The following KCNQ5 variants were observed in gnomAD, a reference collection of about 807,000 sequenced individuals.
The protein encoded by KCNQ5 is potassium voltage-gated channel subfamily KQT member 5.
In KCNQ5, 30 loss-of-function variants were observed where a neutral mutation model predicts 98.2. The observed-to-expected ratio is 0.31, with a 90% confidence interval of 0.23 to 0.41. KCNQ5 has a LOEUF of 0.41. Among genes scored for constraint, KCNQ5 ranks in the 10% least tolerant of loss-of-function variants. The probability of loss-of-function intolerance (pLI) is 1.00; values close to 1 mark genes in which losing one functional copy is unlikely to be tolerated. For missense variants in KCNQ5, 835 were observed against 1,182.5 expected (o/e 0.71, Z 4.31); for synonymous variants, 458 against 449.4 (o/e 1.02, Z -0.24).
intron 1 of KCNQ5, among the ~76,000 whole-genome samples, chr6:72,637,944 G>T (rs2098925165): frequency 6.6e-6 from 1 of 152,164 alleles, no homozygotes; most frequent in African/African-American, 2.4e-5. Context: ...AGAAACCCGG[G>T]TAAGTTCCCT....
At position 72,622,109 on chromosome 6, in the gene KCNQ5, C is replaced by T. The variant is rs2098915429; in HGVS notation, c.-81C>T. 3 of 1,181,992 alleles carry T rather than the reference C, an allele frequency of 2.5e-6. No individual in the cohort carries two copies. Among genetic ancestry groups the T allele is most frequent in the Admixed American group, 4.4e-5 (1 of 22,776 alleles). 73.2% of individuals were successfully genotyped at this position (1,181,992 alleles called of 1,614,324 possible). On this transcript the variant is annotated 5_prime_UTR_variant, in exon 1 of 14. Transcript: ENST00000370398. The surrounding 1 kb of genome is among the most constrained non-coding windows in gnomAD (Gnocchi z 6.0). ...CGCCCCGTCGGCCGCCGGCTTCCTC[C>T]TTGAAACCCGCCGGCGCACATGAGG... is the stretch of plus-strand genomic sequence containing the variant.
chr6:72,764,321 A>T (rs1772449298), intron 1 of KCNQ5, among the ~76,000 whole-genome samples: 1 of 152,088 alleles, frequency 6.6e-6, no homozygotes, highest in African/African-American at 2.4e-5. Context: ...CCCACTAGGT[A>T]GAAATTGGTG....
intron 2 of KCNQ5, among the ~76,000 whole-genome samples, chr6:73,032,448 A>T (rs1182587101): frequency 8.5e-5 from 13 of 152,172 alleles, no homozygotes; most frequent in Non-Finnish European, 1.8e-4. Flanking sequence ...GATTATGGGC[A>T]TGAACCACTG....
intron 1 of KCNQ5, among the ~76,000 whole-genome samples, chr6:72,925,408 A>G (rs763238614): frequency 4.7e-4 from 72 of 152,336 alleles, no homozygotes; most frequent in Non-Finnish European, 7.5e-4. Flanking sequence ...TAGTTTTTGC[A>G]TCTTGTAATA....
intron 1 of KCNQ5, among the ~76,000 whole-genome samples, chr6:72,648,423 G>A (rs912549937): frequency 6.6e-6 from 1 of 152,138 alleles, no homozygotes; most frequent in East Asian, 1.9e-4. Context: ...TGAAAGGAAT[G>A]AATTAGAGCT....
chr6:72,786,319 T>A (rs1773739207), intron 1 of KCNQ5, among the ~76,000 whole-genome samples: 1 of 152,310 alleles, frequency 6.6e-6, no homozygotes, highest in East Asian at 1.9e-4. Context: ...CTTAAATTCT[T>A]TGTAGATTCT....
chr6:72,931,896 T>C (rs1765709748), intron 1 of KCNQ5, among the ~76,000 whole-genome samples: 1 of 152,126 alleles, frequency 6.6e-6, no homozygotes, highest in African/African-American at 2.4e-5. Context: ...AATACTGGAC[T>C]GAAAACAGGC....
Position 72,779,227 on chromosome 6 carries a change from G to A in KCNQ5, c.398+156640G>A, listed in dbSNP as rs573937041. 7.9e-5 allele frequency among the ~76,000 whole-genome samples: 12 copies of A among 152,316 alleles called. 1 individual carries two copies. In the South Asian group the frequency reaches 2.3e-3, roughly 29 times the overall value. On this transcript the variant is annotated intron_variant, in intron 1 of 13. Transcript: ENST00000370398. ...AGAAAGCTGGTGTTGACAAGAGAGG[G>A]CATTATGAGGCAGAGTCCTGGAGGA...
intron 1 of KCNQ5, chr6:72,967,814 C>G (rs118010484): frequency 0.023 from 3,486 of 154,744 alleles, 47 homozygotes; most frequent in Middle Eastern, 0.061. Context: ...CTAGGCAGGT[C>G]TCAAACTTCT....
At chr6:73,071,051 G>A (rs1001721336) in intron 3 of KCNQ5, among the ~76,000 whole-genome samples, 12 of 151,924 alleles carry the variant, frequency 7.9e-5, no homozygotes, top group Non-Finnish European at 1.3e-4. Context: ...TGAAATCCAG[G>A]CATCTAAAAC....
intron 10 of KCNQ5, among the ~76,000 whole-genome samples, chr6:73,164,488 T>C (rs1777721938): frequency 6.6e-6 from 1 of 152,208 alleles, no homozygotes; most frequent in African/African-American, 2.4e-5. Flanking sequence ...GATGACCGAC[T>C]CTCATCCTCT....
chr6:73,007,325 A>G (rs1027132553), intron 2 of KCNQ5, among the ~76,000 whole-genome samples: 1 of 152,190 alleles, frequency 6.6e-6, no homozygotes, highest in Admixed American at 6.5e-5. Context: ...GTCGGGCTCC[A>G]TGAATTCAAA....
chr6:72,857,032 A>G (rs776675547), intron 1 of KCNQ5, among the ~76,000 whole-genome samples: 1 of 152,352 alleles, frequency 6.6e-6, no homozygotes, highest in Non-Finnish European at 1.5e-5. Flanking sequence ...AGCCCAGCAC[A>G]GGCTGTGAAG....
intron 1 of KCNQ5, among the ~76,000 whole-genome samples, chr6:72,865,599 G>C (rs1434958059): frequency 6.6e-6 from 1 of 152,090 alleles, no homozygotes; most frequent in East Asian, 1.9e-4. Context: ...CAGAAAACCA[G>C]CACCACTGAG....
chr6:73,122,218 G>A (rs771585830), intron 8 of KCNQ5, among the ~76,000 whole-genome samples: 1 of 152,166 alleles, frequency 6.6e-6, no homozygotes, highest in African/African-American at 2.4e-5. Context: ...CTAGGTAAAT[G>A]TAAAAAGGGA....
intron 2 of KCNQ5, among the ~76,000 whole-genome samples, chr6:73,040,242 G>A (rs1040491911): frequency 2.0e-5 from 3 of 152,138 alleles, no homozygotes; most frequent in Non-Finnish European, 2.9e-5. Context: ...GGTAGTGTTC[G>A]GGGGCTCAGG....
chr6:72,719,286 A>C lies in KCNQ5; in HGVS notation c.398+96699A>C, dbSNP rs549013791. 3.3e-5 allele frequency among the ~76,000 whole-genome samples: 5 copies of C among 152,342 alleles called. No homozygotes were observed. The South Asian group carries it at 6.2e-4, about 19-fold the overall frequency. ...TCATTGAGGTGGAAGACAGAGGCAG[A>C]GATCTCTCTGCATTAGGCATCCCTT... On this transcript the variant is annotated intron_variant, in intron 1 of 13. Coordinates refer to ENST00000370398, the MANE Select transcript of KCNQ5 (RefSeq NM_019842.4).
At chr6:72,799,266 T>C (rs1335811882) in intron 1 of KCNQ5, among the ~76,000 whole-genome samples, 2 of 152,278 alleles carry the variant, frequency 1.3e-5, no homozygotes, top group South Asian at 2.1e-4. Context: ...GTTTTGCTCT[T>C]TAGTCCTTTT....
intron 1 of KCNQ5, among the ~76,000 whole-genome samples, chr6:72,967,527 T>C (rs754079034): frequency 2.0e-5 from 3 of 152,174 alleles, no homozygotes; most frequent in Admixed American, 6.5e-5. Context: ...AATCAACGGA[T>C]ATTTGTTGGG....
Sources: allele counts gnomAD v4.1 joint callset (sites outside exome capture counted in the v4.1 genomes callset), GRCh38; gene constraint gnomAD v4.1.1; non-coding constraint Gnocchi (gnomAD v3.1); transcripts MANE v1.5; gene names NCBI Gene and HGNC (gene_info 2026-07-23, HGNC 2026-07-21).